The following PDK3 variants were observed in gnomAD, a reference collection of about 807,000 sequenced individuals.
PDK3 encodes pyruvate dehydrogenase kinase, isozyme 3.
A neutral mutation model predicts 32.0 loss-of-function variants in PDK3; 12 were observed. The ratio of observed to expected loss-of-function variants is 0.37; its 90% confidence interval spans 0.24 to 0.61. The LOEUF is 0.61. Among genes scored for constraint, PDK3 ranks in the 20% least tolerant of loss-of-function variants. The pLI is 0.65. For missense variants in PDK3, 188 were observed against 316.9 expected, an observed-to-expected ratio of 0.59 and a Z score of 3.09; for synonymous variants, 122 against 116.3, an observed-to-expected ratio of 1.05 and a Z score of -0.31.
At chrX:24,531,049 TTGTGTG>T (rs760426568) in intron 9 of PDK3, among the ~76,000 whole-genome samples, 4 of 98,147 alleles carry the variant, frequency 4.1e-5, no homozygotes, top group African/African-American at 1.1e-4. Context: ...GAATGTGCTT[TTGTGTG>T]TGTGTGTGTG....
At chrX:24,504,047 T>C (rs1445871018) in intron 4 of PDK3, among the ~76,000 whole-genome samples, 1 of 111,520 alleles carries the variant, frequency 9.0e-6, no homozygotes, top group East Asian at 2.8e-4. Flanking sequence ...ACTAAGCAGA[T>C]ATGAAAAAAA....
At chrX:24,546,949 CCT>C (rs1275274950) in exon 12 of PDK3, 1 of 112,667 alleles carries the variant, frequency 8.9e-6, no homozygotes, top group African/African-American at 3.2e-5. Flanking sequence ...GCCTTAATAT[CCT>C]TACAGTGTTT....
chrX:24,517,351 T>C (rs1922280705), intron 5 of PDK3, among the ~76,000 whole-genome samples: 1 of 110,746 alleles, frequency 9.0e-6, no homozygotes, highest in Non-Finnish European at 1.9e-5. Flanking sequence ...GCCTCCCAAC[T>C]AGCTGGGATT....
chrX:24,484,228 G>A (rs928660008), intron 1 of PDK3, among the ~76,000 whole-genome samples: 13 of 110,682 alleles, frequency 1.2e-4, no homozygotes, highest in Non-Finnish European at 1.3e-4. Context: ...TGCCCAGGCT[G>A]ATCTCGAACA....
At chrX:24,467,673 T>C (rs1042709425) in intron 1 of PDK3, among the ~76,000 whole-genome samples, 1 of 112,311 alleles carries the variant, frequency 8.9e-6, no homozygotes, top group African/African-American at 3.2e-5. Context: ...GTTCTGTCTC[T>C]TGATAGCAGT....
intron 6 of PDK3, among the ~76,000 whole-genome samples, chrX:24,524,495 A>T (rs531998425): frequency 9.5e-4 from 106 of 112,033 alleles, no homozygotes; most frequent in African/African-American, 3.3e-3. Context: ...ACTCCATTTC[A>T]TGTTAAGGCT....
chrX:24,511,506 C>T (rs1026490679), intron 5 of PDK3, among the ~76,000 whole-genome samples: 5 of 108,729 alleles, frequency 4.6e-5, no homozygotes, highest in African/African-American at 1.4e-4. Context: ...CCTGTGTGGG[C>T]GTCTGTGTGT....
intron 6 of PDK3, among the ~76,000 whole-genome samples, chrX:24,522,146 A>AGAGACTTC (rs1371421899): frequency 1.1e-4 from 12 of 112,239 alleles, no homozygotes; most frequent in South Asian, 3.7e-4. Context: ...TGTACAAAAT[A>AGAGACTTC]GAGACTTCAT....
chrX:24,473,467 C>T (rs1235802675), intron 1 of PDK3, among the ~76,000 whole-genome samples: 2 of 98,390 alleles, frequency 2.0e-5, no homozygotes, highest in Admixed American at 2.2e-4. Flanking sequence ...GACAGAGTCT[C>T]ACTCTGTCAC....
downstream of PDK3, among the ~76,000 whole-genome samples, chrX:24,536,847 A>G (rs556216610): frequency 9.0e-6 from 1 of 111,319 alleles, no homozygotes; most frequent in Middle Eastern, 4.6e-3. Context: ...CAAGGAACAC[A>G]TAGTCTATAC....
chrX:24,537,661 T>C (rs1456786063), downstream of PDK3, among the ~76,000 whole-genome samples: 1 of 111,982 alleles, frequency 8.9e-6, no homozygotes, highest in Non-Finnish European at 1.9e-5. Context: ...AAAACCTTGA[T>C]TTTTAACATC....
At chrX:24,512,374 C>T (rs1002658362) in intron 5 of PDK3, among the ~76,000 whole-genome samples, 4 of 111,973 alleles carry the variant, frequency 3.6e-5, no homozygotes, top group African/African-American at 1.3e-4. Context: ...CAAGTGGTAT[C>T]CTCAGAGCGC....
At chrX:24,529,897 A>G (rs910835068) in intron 9 of PDK3, among the ~76,000 whole-genome samples, 3 of 112,441 alleles carry the variant, frequency 2.7e-5, no homozygotes, top group African/African-American at 6.5e-5. Context: ...GTGCCTTTAC[A>G]TGTGCATTTC....
At chrX:24,512,273 T>A (rs947629635) in intron 5 of PDK3, among the ~76,000 whole-genome samples, 3 of 112,046 alleles carry the variant, frequency 2.7e-5, no homozygotes, top group Non-Finnish European at 5.6e-5. Context: ...AAGTATAAAC[T>A]TAAATACTTG....
rs16983110 is a variant in PDK3 at position 24,527,832 on chromosome X, C to G, written c.852+157C>G. On this transcript the variant is annotated intron_variant, in intron 8 of 10. Coordinates refer to ENST00000379162, the MANE Select transcript of PDK3 (RefSeq NM_005391.5). Reference sequence around the variant, plus strand: ...GGCTTAAGTTACCTTATTTAAACTTCATTAGAACCTTGTTATTCAGGGAGT... The same window carrying G: ...GGCTTAAGTTACCTTATTTAAACTTGATTAGAACCTTGTTATTCAGGGAGT... Among the ~76,000 whole-genome samples, 21,061 of 111,029 alleles carry G rather than the reference C, an allele frequency of 0.19. 2,013 individuals are homozygous for G. The highest frequency in any genetic ancestry group is 0.38 in the African/African-American group (11,443 of 30,325).
At chrX:24,503,633 G>T (rs1007008558) in intron 4 of PDK3, 122 bp downstream of exon 4, 1 of 495,250 alleles carries the variant, frequency 2.0e-6, no homozygotes, top group Non-Finnish European at 3.2e-6. Flanking sequence ...TTCTAGTTCG[G>T]TTTTTCCTAA....
At chrX:24,536,669 C>T (rs1922783580), downstream of PDK3, among the ~76,000 whole-genome samples, 1 of 111,416 alleles carries the variant, frequency 9.0e-6, no homozygotes, top group Non-Finnish European at 1.9e-5. Flanking sequence ...TGAAGCATAA[C>T]ATATAGTAAT....
downstream of PDK3, among the ~76,000 whole-genome samples, chrX:24,538,963 T>C (rs772206299): frequency 8.9e-6 from 1 of 111,870 alleles, no homozygotes; most frequent in Non-Finnish European, 1.9e-5. Context: ...AAAGTATATA[T>C]AAGTAATTAA....
rs1050253089 is a variant in PDK3, at chrX:24,525,788, C to CT, written c.674-402dup. On this transcript the variant is annotated intron_variant, in intron 6 of 10. Coordinates refer to ENST00000379162, the MANE Select transcript of PDK3 (RefSeq NM_005391.5). ...TGCCATTTAGTCCAGTTCACCAGCC[C>CT]TTTTTTTTCCTGTTGCTCCACATTC... Among the ~76,000 whole-genome samples, 6 of 112,110 alleles carry CT rather than the reference C, an allele frequency of 5.4e-5. No individual in the cohort carries two copies. The East Asian group carries it at 1.7e-3, about 31-fold the overall frequency.
Sources: gnomAD v4.1 joint callset for allele counts (sites outside exome capture counted in the v4.1 genomes callset) on GRCh38, gnomAD v4.1.1 for gene constraint, MANE v1.5 for transcripts, NCBI Gene and HGNC (gene_info 2026-07-23, HGNC 2026-07-21) for gene names.